The following NAALADL2 variants were observed in gnomAD, a reference collection of about 807,000 sequenced individuals.
The protein encoded by NAALADL2 is N-acetylated alpha-linked acidic dipeptidase like 2.
NAALADL2 carries 76 observed loss-of-function variants against 87.2 expected under a neutral mutation model. The ratio of observed to expected loss-of-function variants is 0.87; its 90% CI spans 0.72 to 1.05. The LOEUF is 1.05. NAALADL2 is among the 50% of genes least tolerant of loss of function. The pLI, the probability that NAALADL2 is intolerant of heterozygous loss-of-function variation, is 0.00. For missense variants in NAALADL2, 1,089 were observed against 945.8 expected (o/e 1.15, Z -1.99); for synonymous variants, 354 against 331.0 (o/e 1.07, Z -0.75).
At chr3:175,057,770 C>T (rs917675930) in intron 1 of NAALADL2, among the ~76,000 whole-genome samples, 30 of 152,164 alleles carry the variant, frequency 2.0e-4, no homozygotes, top group African/African-American at 7.2e-4. Context: ...TGTTAAAATC[C>T]AAGTTATCAA....
chr3:175,436,346 G>A (rs1299848058), intron 5 of NAALADL2, among the ~76,000 whole-genome samples: 3 of 149,518 alleles, frequency 2.0e-5, no homozygotes, highest in Non-Finnish European at 2.9e-5. Flanking sequence ...CATGATTTAT[G>A]GTCTTTTGGG....
chr3:175,428,284 T>G (rs1467810958), intron 5 of NAALADL2, among the ~76,000 whole-genome samples: 1 of 152,126 alleles, frequency 6.6e-6, no homozygotes, highest in Non-Finnish European at 1.5e-5. Context: ...ACTCAATAAG[T>G]TTTTTTGAAG....
intron 2 of NAALADL2, among the ~76,000 whole-genome samples, chr3:175,172,005 T>TTAAG (rs1734911576): frequency 6.6e-6 from 1 of 152,034 alleles, no homozygotes; most frequent in African/African-American, 2.4e-5. Context: ...ATAGGGTAGA[T>TTAAG]TAAGTGTAGT....
intron 2 of NAALADL2, among the ~76,000 whole-genome samples, chr3:174,651,042 G>A (rs1237245454): frequency 2.6e-5 from 4 of 151,884 alleles, no homozygotes; most frequent in African/African-American, 9.7e-5. Context: ...GGAAAAAAAT[G>A]ATACCCTTCT....
chr3:174,451,708 G>A (rs921966574), intron 1 of NAALADL2, among the ~76,000 whole-genome samples: 2 of 152,172 alleles, frequency 1.3e-5, no homozygotes, highest in Non-Finnish European at 2.9e-5. Flanking sequence ...TTTGGAGGTA[G>A]TGAAAAAGAA....
At chr3:174,622,966 C>T (rs1035724962) in intron 2 of NAALADL2, among the ~76,000 whole-genome samples, 1 of 152,142 alleles carries the variant, frequency 6.6e-6, no homozygotes, top group Non-Finnish European at 1.5e-5. Flanking sequence ...TGGCGTGAAC[C>T]CAGGAGGCGG....
At chr3:175,481,845 T>A (rs1010118196) in intron 9 of NAALADL2, among the ~76,000 whole-genome samples, 1 of 151,976 alleles carries the variant, frequency 6.6e-6, no homozygotes, top group African/African-American at 2.4e-5. Context: ...GACACAGAAC[T>A]ATATATTATA....
chr3:174,542,323 G>T (rs544599404), intron 1 of NAALADL2, among the ~76,000 whole-genome samples: 1 of 152,128 alleles, frequency 6.6e-6, no homozygotes, highest in Admixed American at 6.6e-5. Context: ...AAGGGCAGAG[G>T]TCTCTCTTCT....
chr3:174,757,725 G>A (rs1560200009), intron 3 of NAALADL2, among the ~76,000 whole-genome samples: 1 of 151,660 alleles, frequency 6.6e-6, no homozygotes, highest in South Asian at 2.1e-4. Flanking sequence ...GGCTGGTCTC[G>A]AACTCCTGAC....
At chr3:175,121,271 T>A (rs2108566449) in intron 2 of NAALADL2, among the ~76,000 whole-genome samples, 1 of 151,938 alleles carries the variant, frequency 6.6e-6, no homozygotes, top group Admixed American at 6.6e-5. Flanking sequence ...GCCACCTGAC[T>A]TGTCTTAGGT....
At chr3:174,539,256 C>T (rs934745745) in intron 1 of NAALADL2, among the ~76,000 whole-genome samples, 4 of 151,920 alleles carry the variant, frequency 2.6e-5, no homozygotes, top group Non-Finnish European at 5.9e-5. Context: ...ATTACAAAAG[C>T]TTTCTTTTAC....
chr3:175,718,044 A>T (rs1741600878), intron 11 of NAALADL2, among the ~76,000 whole-genome samples: 1 of 151,816 alleles, frequency 6.6e-6, no homozygotes, highest in Admixed American at 6.6e-5. Flanking sequence ...ACAAAAAATT[A>T]GTATCATTTA....
chr3:175,272,508 T>C (rs1752990422), intron 4 of NAALADL2, among the ~76,000 whole-genome samples: 1 of 152,136 alleles, frequency 6.6e-6, no homozygotes, highest in African/African-American at 2.4e-5. Flanking sequence ...ATGTTTATCA[T>C]CTTAATGTGA....
intron 2 of NAALADL2, among the ~76,000 whole-genome samples, chr3:175,176,362 A>G (rs1318329152): frequency 1.3e-5 from 2 of 152,074 alleles, no homozygotes; most frequent in Non-Finnish European, 1.5e-5. Flanking sequence ...TGAATCTTGG[A>G]GCAGTCTTTC....
chr3:174,866,425 G>T (rs1287008848), intron 1 of NAALADL2, among the ~76,000 whole-genome samples: 2 of 151,462 alleles, frequency 1.3e-5, no homozygotes, highest in Non-Finnish European at 3.0e-5. Context: ...AAATAGAAAG[G>T]AAAATAATAG....
chr3:175,078,386 A>G (rs1717049402), intron 1 of NAALADL2, among the ~76,000 whole-genome samples: 1 of 152,136 alleles, frequency 6.6e-6, no homozygotes, highest in Admixed American at 6.5e-5. Context: ...GCAGCGCAGC[A>G]ATAATAAGAG....
intron 9 of NAALADL2, among the ~76,000 whole-genome samples, chr3:175,570,929 A>G (rs997890423): frequency 3.4e-4 from 51 of 151,548 alleles, no homozygotes; most frequent in African/African-American, 1.2e-3. Flanking sequence ...TGTATTGAAT[A>G]TGGTATTTTT....
chr3:174,562,229 A>G (rs1253768588), intron 2 of NAALADL2, among the ~76,000 whole-genome samples: 2 of 152,184 alleles, frequency 1.3e-5, no homozygotes, highest in Non-Finnish European at 2.9e-5. Flanking sequence ...GGAAGAAGGC[A>G]TTTTAAAGCA....
chr3:175,723,241 A>G (rs568275918), intron 11 of NAALADL2, among the ~76,000 whole-genome samples: 1 of 152,266 alleles, frequency 6.6e-6, no homozygotes, highest in African/African-American at 2.4e-5. Context: ...AGCTCTTCAG[A>G]TAGCCCTCGA....
Sources: gnomAD v4.1 joint callset for allele counts (sites outside exome capture counted in the v4.1 genomes callset) on GRCh38, gnomAD v4.1.1 for gene constraint, MANE v1.5 for transcripts, NCBI Gene and HGNC (gene_info 2026-07-23, HGNC 2026-07-21) for gene names.